KATNAL1: variants seen among roughly 807,000 people sequenced by gnomAD.
The protein encoded by KATNAL1 is katanin p60 ATPase-containing subunit A-like 1.
A neutral mutation model predicts 55.2 loss-of-function variants in KATNAL1; 32 were observed. The ratio of observed to expected loss-of-function variants is 0.58; its 90% CI spans 0.44 to 0.78. The LOEUF is 0.78. Among genes scored for constraint, KATNAL1 ranks in the 30% least tolerant of loss-of-function variants. KATNAL1 has a pLI of 0.00. For missense variants in KATNAL1, 466 were observed against 600.9 expected (o/e 0.78, Z 2.35); for synonymous variants, 193 against 193.6 (o/e 1.00, Z 0.02).
intron 6 of KATNAL1, among the ~76,000 whole-genome samples, chr13:30,233,329 A>T (rs1394164373): frequency 2.0e-5 from 3 of 152,208 alleles, no homozygotes; most frequent in African/African-American, 7.2e-5. Context: ...AAGAAGACAT[A>T]CAAATGTCCA....
intron 6 of KATNAL1, among the ~76,000 whole-genome samples, chr13:30,239,264 G>A (rs1877005217): frequency 6.6e-6 from 1 of 152,054 alleles, no homozygotes; most frequent in Non-Finnish European, 1.5e-5. Flanking sequence ...ACAAAAATTA[G>A]CTGGGCATGG....
chr13:30,240,536 T>C lies in KATNAL1; in HGVS notation c.650A>G (p.Lys217Arg). The change falls in exon 6 of 11, where the codon AAG (lysine) becomes AGG (arginine). Residue 217 changes from lysine (K) to arginine (R), a missense_variant. Lys to Arg is a conservative substitution (Grantham distance 26). Coordinates refer to ENST00000380615, the MANE Select transcript of KATNAL1 (RefSeq NM_032116.5). ...WDDIADLEEA[K>R]KLLREAVVLP... ...AACAACAGCTTCCCTTAGCAACTTC[T>C]TAGCTTCTTCCAGATCTGCTATGTC... is the stretch of plus-strand genomic sequence containing the variant. 2 of 1,613,638 alleles carry C rather than the reference T, an allele frequency of 1.2e-6. No homozygotes were observed. The highest frequency in any genetic ancestry group is 1.7e-6 in the Non-Finnish European group (2 of 1,179,618).
At chr13:30,244,272 A>G (rs1877563495) in intron 4 of KATNAL1, among the ~76,000 whole-genome samples, 1 of 152,038 alleles carries the variant, frequency 6.6e-6, no homozygotes, top group Admixed American at 6.6e-5. Flanking sequence ...ATCCTTTTTT[A>G]TGGCTGCATA....
At chr13:30,285,053 C>T (rs1192794670) in intron 1 of KATNAL1, among the ~76,000 whole-genome samples, 1 of 152,210 alleles carries the variant, frequency 6.6e-6, no homozygotes, top group East Asian at 1.9e-4. Flanking sequence ...GGGAGCCTGA[C>T]TCTTCTACTC....
chr13:30,264,509 T>C (rs1414534079), intron 3 of KATNAL1, among the ~76,000 whole-genome samples: 1 of 149,710 alleles, frequency 6.7e-6, no homozygotes, highest in Non-Finnish European at 1.5e-5. Flanking sequence ...GAATCTACAA[T>C]GAACTCAAAT....
At chr13:30,233,026 A>C (rs1296489652) in intron 6 of KATNAL1, among the ~76,000 whole-genome samples, 1 of 152,194 alleles carries the variant, frequency 6.6e-6, no homozygotes, top group Non-Finnish European at 1.5e-5. Flanking sequence ...AGAAGAAAAC[A>C]CTGGGGAAAT....
chr13:30,234,980 C>T (rs569230586), intron 6 of KATNAL1, among the ~76,000 whole-genome samples: 1 of 152,268 alleles, frequency 6.6e-6, no homozygotes, highest in South Asian at 2.1e-4. Flanking sequence ...TGGGGGATGA[C>T]CATGCCAGGA....
chr13:30,210,506 G>A, intron 9 of KATNAL1, 64 bp from the exon 10 acceptor site: 4 of 1,481,950 alleles, frequency 2.7e-6, no homozygotes, highest in Non-Finnish European at 3.7e-6. Flanking sequence ...GCTGAGAAAT[G>A]ACATATTAAC....
intron 1 of KATNAL1, among the ~76,000 whole-genome samples, chr13:30,300,766 C>A (rs1882804334): frequency 6.6e-6 from 1 of 152,016 alleles, no homozygotes; most frequent in Non-Finnish European, 1.5e-5. Context: ...TACAGTTTGC[C>A]ATGAATAATA....
chr13:30,233,414 C>T (rs1019771087), intron 6 of KATNAL1, among the ~76,000 whole-genome samples: 2 of 151,996 alleles, frequency 1.3e-5, no homozygotes, highest in East Asian at 1.9e-4. Flanking sequence ...GAGATCATCT[C>T]GCTCCAATTA....
At chr13:30,236,516 A>C (rs61946930) in intron 6 of KATNAL1, among the ~76,000 whole-genome samples, 19,726 of 152,220 alleles carry the variant, frequency 0.13, 1,655 homozygotes, top group Non-Finnish European at 0.18. Flanking sequence ...CTAACCAAAA[A>C]GCCCATGACT....
intron 3 of KATNAL1, among the ~76,000 whole-genome samples, chr13:30,265,119 A>C (rs1436422453): frequency 6.6e-6 from 1 of 151,268 alleles, no homozygotes; most frequent in African/African-American, 2.4e-5. Flanking sequence ...AAACTATCGC[A>C]AGAACAAAAA....
At chr13:30,287,067 G>GT (rs1194772509) in intron 1 of KATNAL1, among the ~76,000 whole-genome samples, 1 of 152,196 alleles carries the variant, frequency 6.6e-6, no homozygotes, top group African/African-American at 2.4e-5. Context: ...AGGCTCATAG[G>GT]TGGAAGGAAC....
chr13:30,215,063 A>T (rs950578350), intron 9 of KATNAL1, among the ~76,000 whole-genome samples: 7 of 151,378 alleles, frequency 4.6e-5, no homozygotes, highest in African/African-American at 1.7e-4. Context: ...CAATGAACTC[A>T]AACAAATTTA....
intron 1 of KATNAL1, among the ~76,000 whole-genome samples, chr13:30,303,960 C>T (rs565746131): frequency 3.3e-5 from 5 of 152,198 alleles, no homozygotes. Context: ...TCCTGCCACA[C>T]TGTTAGTAAG....
intron 9 of KATNAL1, among the ~76,000 whole-genome samples, chr13:30,217,634 C>A (rs980896741): frequency 6.6e-6 from 1 of 152,142 alleles, no homozygotes. Flanking sequence ...CTTGAATATA[C>A]CAGGCAGTCC....
chr13:30,296,241 A>G, intron 1 of KATNAL1: 2 of 1,101,122 alleles, frequency 1.8e-6, no homozygotes, highest in Non-Finnish European at 2.6e-6. Flanking sequence ...AAGCTGTCAG[A>G]CTACAAAGGG....
intron 3 of KATNAL1, among the ~76,000 whole-genome samples, chr13:30,262,910 C>A (rs1191037413): frequency 6.6e-6 from 1 of 152,086 alleles, no homozygotes; most frequent in African/African-American, 2.4e-5. Flanking sequence ...GGCAGAGACA[C>A]ACCCAAAAAA....
At chr13:30,254,943 A>C (rs930774060) in intron 4 of KATNAL1, among the ~76,000 whole-genome samples, 1 of 152,220 alleles carries the variant, frequency 6.6e-6, no homozygotes, top group African/African-American at 2.4e-5. Flanking sequence ...TTCCTAAATA[A>C]GTACGTGTGC....
Sources: allele counts gnomAD v4.1 joint callset (sites outside exome capture counted in the v4.1 genomes callset), GRCh38; gene constraint gnomAD v4.1.1; transcripts MANE v1.5; gene names NCBI Gene and HGNC (gene_info 2026-07-23, HGNC 2026-07-21).